The following MTFP1 variants were observed in gnomAD, a reference collection of about 807,000 sequenced individuals.
The protein encoded by MTFP1 is mitochondrial fission process protein 1.
In MTFP1, 19 loss-of-function variants were observed where a neutral mutation model predicts 17.1. That is an observed-to-expected ratio of 1.11 (90% CI 0.77 to 1.63). The LOEUF (loss-of-function observed/expected upper bound fraction) is 1.63, where lower values mean the gene tolerates loss of function less well. Ranked by LOEUF, MTFP1 falls within the 40% of genes most tolerant of loss-of-function variation. The probability of loss-of-function intolerance (pLI) is 0.00; values close to 1 mark genes in which losing one functional copy is unlikely to be tolerated. For missense variants in MTFP1, 221 were observed against 226.2 expected (o/e 0.98, Z 0.15); for synonymous variants, 89 against 95.2 (o/e 0.93, Z 0.38).
intron 2 of MTFP1, 42 bp downstream of exon 2, chr22:30,426,886 T>C (rs1934680274): frequency 6.2e-7 from 1 of 1,601,386 alleles, no homozygotes; most frequent in South Asian, 1.1e-5. Flanking sequence ...CCTAGCTCTC[T>C]TCTTGTGTGG....
At position 30,425,934 on chromosome 22, in the gene MTFP1, GTGCGA is replaced by G; in HGVS notation, c.57_61del (p.Arg20ProfsTer6). 6.5e-7 allele frequency: 1 copy of G among 1,528,692 alleles called. No individual in the cohort carries two copies. The highest frequency in any genetic ancestry group is 8.8e-7 in the Non-Finnish European group (1 of 1,137,882). 94.7% of individuals were successfully genotyped at this position (1,528,692 alleles called of 1,614,324 possible). A position where few individuals can be genotyped will look rare whatever the true frequency, so the allele number is the denominator to read the frequency against. On this transcript the variant is annotated frameshift_variant, in exon 1 of 4. Coordinates refer to ENST00000266263, the MANE Select transcript of MTFP1 (RefSeq NM_016498.5). LOFTEE classifies it high-confidence loss of function. ...GCGCGATCTCTACCGGGACACGTGGGTGCGATACCTGGGTGAGCGCGGGGCGACGG... is the reference window on the plus strand; with the variant it reads ...GCGCGATCTCTACCGGGACACGTGGGTACCTGGGTGAGCGCGGGGCGACGG...
Position 30,428,521 on chromosome 22 carries a change from C to G in MTFP1, c.488C>G (p.Pro163Arg). 1 of 1,614,190 alleles carries G rather than the reference C, an allele frequency of 6.2e-7. No individual in the cohort carries two copies. The highest frequency in any genetic ancestry group is 2.2e-5 in the East Asian group (1 of 44,872). The change falls in exon 4 of 4, where the codon CCC becomes CGC. Residue 163 changes from proline to arginine, a missense_variant. Transcript: ENST00000266263. ...LRKLYPTVGK[P>R]SSS Reference sequence around the variant, plus strand: ...AAGCTCTACCCAACAGTGGGGAAGCCCAGCTCCTCCTGATCATACTCTGGT... The same window carrying G: ...AAGCTCTACCCAACAGTGGGGAAGCGCAGCTCCTCCTGATCATACTCTGGT...
Position 30,427,325 on chromosome 22 carries a change from G to T in MTFP1, c.350G>T (p.Trp117Leu). 6.2e-7 allele frequency: 1 copy of T among 1,614,102 alleles called. No homozygotes were observed. The highest frequency in any genetic ancestry group is 8.5e-7 in the Non-Finnish European group (1 of 1,180,038). The change falls in exon 3 of 4, where the codon TGG (tryptophan) becomes TTG (leucine). Residue 117 changes from tryptophan (W) to leucine (L), a missense_variant. Transcript: ENST00000266263. ...TATGTCCTGGGCACTGCCACCCGCTGGCCCCTGGCTGTCCGCAAGTGGACC... is the reference window on the plus strand; with the variant it reads ...TATGTCCTGGGCACTGCCACCCGCTTGCCCCTGGCTGTCCGCAAGTGGACC... Reference protein sequence around the residue: ...SLYVLGTATRWPLAVRKWTTT... With the variant: ...SLYVLGTATRLPLAVRKWTTT...
intron 1 of MTFP1, 145 bp downstream of exon 1, chr22:30,426,091 G>A (rs1308597697): frequency 1.1e-6 from 1 of 870,526 alleles, no homozygotes; most frequent in South Asian, 1.9e-5. Context: ...GCTCAGACAG[G>A]GCTAGGGACT....
At chr22:30,426,676 G>T in intron 1 of MTFP1, 41 bp from the exon 2 acceptor site, 1 of 1,610,052 alleles carries the variant, frequency 6.2e-7, no homozygotes, top group Non-Finnish European at 8.5e-7. Context: ...CCCCCTCGTG[G>T]AACAGTTGCG....
In MTFP1 at chr22:30,425,890, C is replaced by T; in HGVS notation, c.11C>T (p.Pro4Leu). The change falls in exon 1 of 4, where the codon CCG (proline) becomes CTG (leucine). Residue 4 changes from proline (P) to leucine (L), a missense_variant. Physicochemically the swap from Pro to Leu is moderately conservative, Grantham distance 98. Coordinates refer to ENST00000266263, the MANE Select transcript of MTFP1 (RefSeq NM_016498.5). ...CGTGGCGGGAGAGTCATGTCAGAGC[C>T]GCAGCCGCGGGGCGCAGAGCGCGAT... MSEPQPRGAERDLY... is the reference protein window; with the variant it reads MSELQPRGAERDLY... 1 of 1,533,934 alleles carries T rather than the reference C, an allele frequency of 6.5e-7. No individual in the cohort carries two copies.
In MTFP1 at chr22:30,428,732, C is replaced by A; in HGVS notation, c.*198C>A. The stretch of plus-strand genomic sequence containing the variant: ...GAGTCACAGAAGGGCAGGACCTGAA[C>A]GCTGTCTGCTTCCCTGGAATCCAAG... On this transcript the variant is annotated 3_prime_UTR_variant, in exon 4 of 4. Transcript: ENST00000266263. 2 of 1,515,178 alleles carry A rather than the reference C, an allele frequency of 1.3e-6. No individual in the cohort carries two copies. The highest frequency in any genetic ancestry group is 9.1e-7 in the Non-Finnish European group (1 of 1,093,486). 93.9% of individuals were successfully genotyped at this position (1,515,178 alleles called of 1,614,324 possible). A position where few individuals can be genotyped will look rare whatever the true frequency, so the allele number is the denominator to read the frequency against.
At chr22:30,426,631 T>G in intron 1 of MTFP1, 86 bp from the exon 2 acceptor site, 1 of 1,548,118 alleles carries the variant, frequency 6.5e-7, no homozygotes. Flanking sequence ...AGGGACTGCT[T>G]AGCTGGCTAG....
chr22:30,428,948 G>C lies in MTFP1; in HGVS notation c.*414G>C. On this transcript the variant is annotated 3_prime_UTR_variant, in exon 4 of 4. Transcript: ENST00000266263. ...CCCCATGGTGGTATGGCTGAACAAG[G>C]AGCGGCAGACAACTCAGGGAGAAAC... 1 of 476,038 alleles carries C rather than the reference G, an allele frequency of 2.1e-6. No homozygotes were observed. The highest frequency in any genetic ancestry group is 3.9e-6 in the Non-Finnish European group (1 of 259,478). The allele number at this position is 476,038 out of a possible 1,614,324, so 29.5% of individuals were successfully genotyped here.
intron 2 of MTFP1, 154 bp from the exon 3 acceptor site, chr22:30,427,016 TC>T: frequency 1.5e-6 from 2 of 1,362,176 alleles, no homozygotes; most frequent in Non-Finnish European, 2.1e-6. Flanking sequence ...GCCCCCACAC[TC>T]CCACTCCCCG....
Position 30,427,403 on chromosome 22 carries a change from G to C in MTFP1, c.428G>C (p.Arg143Thr). 1 of 1,613,614 alleles carries C rather than the reference G, an allele frequency of 6.2e-7. No individual in the cohort carries two copies. Among genetic ancestry groups the C allele is most frequent in the Non-Finnish European group, 8.5e-7 (1 of 1,179,630 alleles). ...TIPIIIHPIDRSVDFLLDSSL... is the reference protein window; with the variant it reads ...TIPIIIHPIDTSVDFLLDSSL... ...CCCATCATTATCCACCCCATTGACA[G>C]GTGGGTACCTTCTTGGCCTCAGGGA... Residue 143 changes from arginine (R) to threonine (T), a missense_variant and splice_region_variant, in exon 3 of 4, where the codon AGG becomes ACG. Physicochemically the swap from Arg to Thr is moderately conservative, Grantham distance 71 (BLOSUM62 -1). Coordinates refer to ENST00000266263, the MANE Select transcript of MTFP1 (RefSeq NM_016498.5).
rs2146054948 is a variant in MTFP1 at position 30,425,832 on chromosome 22, A to G, written c.-48A>G. 2 of 1,503,376 alleles carry G rather than the reference A, an allele frequency of 1.3e-6. No homozygotes were observed. Among genetic ancestry groups the G allele is most frequent in the Non-Finnish European group, 1.8e-6 (2 of 1,126,304 alleles). The allele number at this position is 1,503,376 out of a possible 1,614,324, so 93.1% of individuals were successfully genotyped here. ...CCCAAGTGCCGGCGGCGGAGACTGC[A>G]GTGGAGCCAGTACCGGCTGTAGTGG... On this transcript the variant is annotated 5_prime_UTR_variant, in exon 1 of 4. Transcript: ENST00000266263.
chr22:30,426,876 C>A, intron 2 of MTFP1, 32 bp downstream of exon 2: 2 of 1,603,272 alleles, frequency 1.2e-6, no homozygotes, highest in Non-Finnish European at 8.5e-7. Context: ...AACCCCCAAC[C>A]CTAGCTCTCT....
Position 30,425,858 on chromosome 22 carries a change from C to A in MTFP1, c.-22C>A. On this transcript the variant is annotated 5_prime_UTR_variant, in exon 1 of 4. Transcript: ENST00000266263. The stretch of plus-strand genomic sequence containing the variant: ...GTGGAGCCAGTACCGGCTGTAGTGG[C>A]CGGGGCCGTGGCGGGAGAGTCATGT... 6.5e-7 allele frequency: 1 copy of A among 1,533,030 alleles called. No individual in the cohort carries two copies. Among genetic ancestry groups the A allele is most frequent in the Non-Finnish European group, 8.8e-7 (1 of 1,141,048 alleles). The allele number at this position is 1,533,030 out of a possible 1,614,324, so 95.0% of individuals were successfully genotyped here.
rs1934654946 is a variant in MTFP1 at position 30,425,776 on chromosome 22, C to T, written c.-104C>T. ...AGATTTCCTGACCTGTCCTTCGGCGCGGGACTTTCGGCGGGTCCCGGCCGG... is the reference window on the plus strand; with the variant it reads ...AGATTTCCTGACCTGTCCTTCGGCGTGGGACTTTCGGCGGGTCCCGGCCGG... On this transcript the variant is annotated 5_prime_UTR_variant, in exon 1 of 4. Coordinates refer to ENST00000266263, the MANE Select transcript of MTFP1 (RefSeq NM_016498.5). The T allele has an allele frequency of 4.1e-6, 5 of 1,216,638 alleles. No individual in the cohort carries two copies. Among genetic ancestry groups the T allele is most frequent in the South Asian group, 1.5e-5 (1 of 64,656 alleles). The allele number at this position is 1,216,638 out of a possible 1,614,324, so 75.4% of individuals were successfully genotyped here.
rs959192743 is a variant in MTFP1, at chr22:30,426,995, A to G, written c.195+151A>G. 1.0e-4 allele frequency: 144 copies of G among 1,398,762 alleles called. 1 individual carries two copies. The highest frequency in any genetic ancestry group is 1.0e-3 in the Admixed American group (58 of 58,222). 86.6% of individuals were successfully genotyped at this position (1,398,762 alleles called of 1,614,324 possible). On this transcript the variant is annotated intron_variant, in intron 2 of 3. Coordinates refer to ENST00000266263, the MANE Select transcript of MTFP1 (RefSeq NM_016498.5). The stretch of plus-strand genomic sequence containing the variant: ...CCATAGACAGTCCTGTTTGTAGGAC[A>G]GTGTACCCCTGCCCCCACACTCCCA...
In MTFP1 at chr22:30,425,771, C is replaced by T. The variant is rs1934654604; in HGVS notation, c.-109C>T. ...GGCGGAGATTTCCTGACCTGTCCTT[C>T]GGCGCGGGACTTTCGGCGGGTCCCG... On this transcript the variant is annotated 5_prime_UTR_variant, in exon 1 of 4. Transcript: ENST00000266263. 1.7e-6 allele frequency: 2 copies of T among 1,178,158 alleles called. No homozygotes were observed. The highest frequency in any genetic ancestry group is 2.3e-6 in the Non-Finnish European group (2 of 870,808). 73.0% of individuals were successfully genotyped at this position (1,178,158 alleles called of 1,614,324 possible).
intron 3 of MTFP1, among the ~76,000 whole-genome samples, chr22:30,428,249 T>A (rs1463187855): frequency 6.6e-6 from 1 of 152,202 alleles, no homozygotes; most frequent in East Asian, 1.9e-4. Context: ...AGTTTCCTCC[T>A]GAATAAAGAA....
At chr22:30,427,485 CTG>C in intron 3 of MTFP1, 82 bp downstream of exon 3, 1 of 1,439,198 alleles carries the variant, frequency 6.9e-7, no homozygotes, top group African/African-American at 1.4e-5. Flanking sequence ...GAGCTAGACT[CTG>C]TGAAGTGTGG....
Sources: allele counts gnomAD v4.1 joint callset (sites outside exome capture counted in the v4.1 genomes callset), GRCh38; gene constraint gnomAD v4.1.1; transcripts MANE v1.5; gene names NCBI Gene and HGNC (gene_info 2026-07-23, HGNC 2026-07-21).